TSPOAP1: variants seen among roughly 807,000 people sequenced by gnomAD.
TSPOAP1 encodes TSPO associated protein 1.
Under a neutral mutation model 197.0 loss-of-function variants are expected in TSPOAP1, and 87 were observed. The ratio of observed to expected loss-of-function variants is 0.44; its 90% CI spans 0.37 to 0.53. The LOEUF (loss-of-function observed/expected upper bound fraction) is 0.53. Ranked by LOEUF, TSPOAP1 falls within the 20% of genes least tolerant of loss-of-function variation. The pLI is 0.00. For missense variants in TSPOAP1, 2,174 were observed against 2,411.3 expected, an observed-to-expected ratio of 0.90 and a Z score of 2.06; for synonymous variants, 913 against 998.9, an observed-to-expected ratio of 0.91 and a Z score of 1.62.
rs189653192 is a variant in TSPOAP1, at chr17:58,311,690, C to G, written c.2962G>C (p.Glu988Gln). The G allele has an allele frequency of 1.3e-6, 2 of 1,597,570 alleles. No homozygotes were observed. The highest frequency in any genetic ancestry group is 2.2e-5 in the East Asian group (1 of 44,506). ...AAGATCCCAGGGGAGGGCCCAGGCT[C>G]GATCTGCACATCCAGAGGGGCATCA... is the stretch of plus-strand genomic sequence containing the variant. ...PPDAPLDVQI[E>Q]PGPSPGILII... The change falls in exon 18 of 32, where the codon GAG becomes CAG. Residue 988 changes from glutamate (E) to glutamine (Q), a missense_variant. This residue lies in a region of TSPOAP1 where 1,933 missense variants were observed against 2,139.0 expected (regional missense o/e 0.90). Transcript: ENST00000343736.
At position 58,326,354 on chromosome 17, in the gene TSPOAP1, G is replaced by T; in HGVS notation, c.509C>A (p.Ala170Glu). The stretch of plus-strand genomic sequence containing the variant: ...CTCCTCCAGGCGCTTGGCAATGACC[G>T]CCAGCTCGGCGTTCTTCCTCTTCAG... ...RRLKRKNAEL[A>E]VIAKRLEERA... Residue 170 changes from alanine (A) to glutamate (E), a missense_variant, in exon 3 of 32, where the codon GCG (alanine) becomes GAG (glutamate). This residue lies in a region of TSPOAP1 where 1,933 missense variants were observed against 2,139.0 expected (regional missense o/e 0.90). Coordinates refer to ENST00000343736, the MANE Select transcript of TSPOAP1 (RefSeq NM_004758.4). This position sits in a 1 kb window ranked among gnomAD's most constrained non-coding sequence, Gnocchi z 4.7. 2 of 1,613,998 alleles carry T rather than the reference G, an allele frequency of 1.2e-6. No homozygotes were observed. The highest frequency in any genetic ancestry group is 1.1e-5 in the South Asian group (1 of 91,080).
At chr17:58,317,608 G>C (rs1255342809) in intron 14 of TSPOAP1, among the ~76,000 whole-genome samples, 1 of 152,204 alleles carries the variant, frequency 6.6e-6, no homozygotes, top group African/African-American at 2.4e-5. Flanking sequence ...ACCACTTTCT[G>C]AATGTTTGGC....
chr17:58,319,293 G>C lies in TSPOAP1; in HGVS notation c.1496C>G (p.Ala499Gly), dbSNP rs750419717. Residue 499 changes from alanine to glycine, a missense_variant and splice_region_variant, in exon 13 of 32, where the codon GCC becomes GGC. Coordinates refer to ENST00000343736, the MANE Select transcript of TSPOAP1 (RefSeq NM_004758.4). ...CTGTTCTTCGAGCTCTCGAACCCGG[G>C]CCTGGGCCAAGACCCACCATGAGCC... Reference protein sequence around the residue: ...LLESTLDSMQARVRELEEQCR... With the variant: ...LLESTLDSMQGRVRELEEQCR... 3.6e-5 allele frequency: 56 copies of C among 1,572,068 alleles called. No homozygotes were observed. The highest frequency in any genetic ancestry group is 4.8e-5 in the Non-Finnish European group (56 of 1,158,702).
intron 14 of TSPOAP1, among the ~76,000 whole-genome samples, chr17:58,317,930 C>A (rs1317808818): frequency 6.6e-6 from 1 of 152,256 alleles, no homozygotes; most frequent in Non-Finnish European, 1.5e-5. Context: ...TGTGCTTTCT[C>A]ATACAACCAC....
intron 1 of TSPOAP1, 38 bp downstream of exon 1, chr17:58,327,550 C>T: frequency 6.3e-7 from 1 of 1,580,388 alleles, no homozygotes; most frequent in African/African-American, 1.3e-5. Context: ...GTGAGAGACC[C>T]CCACCTTGCA....
At chr17:58,320,212 G>T (rs1262745593) in intron 11 of TSPOAP1, 83 bp from the exon 12 acceptor site, 4 of 1,516,794 alleles carry the variant, frequency 2.6e-6, no homozygotes, top group Non-Finnish European at 3.6e-6. Context: ...CGGAGAAGGG[G>T]GCCTAAGTGG....
rs1971490836 is a variant in TSPOAP1, at chr17:58,324,124, G to A, written c.943-579C>T. ...AGGGTGCATCTCCCTTCCAGGGCCAGCCAGGGAGACAAAATCTGAGCAAGA... is the reference window on the plus strand; with the variant it reads ...AGGGTGCATCTCCCTTCCAGGGCCAACCAGGGAGACAAAATCTGAGCAAGA... On this transcript the variant is annotated intron_variant, in intron 5 of 31. Coordinates refer to ENST00000343736, the MANE Select transcript of TSPOAP1 (RefSeq NM_004758.4). The surrounding 1 kb of genome is among the most constrained non-coding windows in gnomAD (Gnocchi z 5.8). Among the ~76,000 whole-genome samples, 1 of 152,184 alleles carries A rather than the reference G, an allele frequency of 6.6e-6. No homozygotes were observed. Among genetic ancestry groups the A allele is most frequent in the Non-Finnish European group, 1.5e-5 (1 of 68,014 alleles).
At chr17:58,316,788 C>T (rs1339551163) in intron 14 of TSPOAP1, among the ~76,000 whole-genome samples, 1 of 152,248 alleles carries the variant, frequency 6.6e-6, no homozygotes, top group East Asian at 1.9e-4. Context: ...CTCCCTGAGC[C>T]TCTACTGCAC....
chr17:58,322,308 C>T lies in TSPOAP1; in HGVS notation c.1422G>A (p.Gln474=). The T allele has an allele frequency of 1.9e-6, 3 of 1,602,650 alleles. No individual in the cohort carries two copies. The East Asian group carries it at 6.7e-5, about 36-fold the overall frequency. ...EKQEEVRRLQ[Q]AQAEAQREHE... ...CCAGCTTCCCTCACTGCCGCCCCAC[C>T]TGCTGCAGTCTCCGGACCTCCTCCT... The change falls in exon 10 of 32, where the codon CAG becomes CAA. Residue 474 remains glutamine, a splice_region_variant and synonymous_variant. Coordinates refer to ENST00000343736, the MANE Select transcript of TSPOAP1 (RefSeq NM_004758.4). This position sits in a 1 kb window ranked among gnomAD's most constrained non-coding sequence, Gnocchi z 5.0.
intron 24 of TSPOAP1, 111 bp downstream of exon 24, chr17:58,307,500 G>A: frequency 7.1e-7 from 1 of 1,404,056 alleles, no homozygotes; most frequent in Non-Finnish European, 9.7e-7. Context: ...ATCTGCTCTA[G>A]AAGCCATGTT....
Position 58,309,111 on chromosome 17 carries a change from G to T in TSPOAP1, c.4161C>A (p.Ser1387=), listed in dbSNP as rs1445953583. 6.2e-7 allele frequency: 1 copy of T among 1,613,768 alleles called. No individual in the cohort carries two copies. Among genetic ancestry groups the T allele is most frequent in the Non-Finnish European group, 8.5e-7 (1 of 1,180,018 alleles). Reference sequence around the variant, plus strand: ...TGTCTTCCAGGCAGTCTCCAGCCCTGGAGGACTCAGGAGACAAGGGACACT... The same window carrying T: ...TGTCTTCCAGGCAGTCTCCAGCCCTTGAGGACTCAGGAGACAAGGGACACT... The part of the protein sequence containing the change: ...PGQCPLSPES[S]RAGDCLEDMP... Residue 1387 remains serine (S), a synonymous_variant, in exon 22 of 32, where the codon TCC becomes TCA. Coordinates refer to ENST00000343736, the MANE Select transcript of TSPOAP1 (RefSeq NM_004758.4). This position sits in a 1 kb window ranked among gnomAD's most constrained non-coding sequence, Gnocchi z 5.0.
rs150813325 is a variant in TSPOAP1, at chr17:58,328,380, TTGTG to T, written c.-464_-461del. 3 of 200,082 alleles carry T rather than the reference TTGTG, an allele frequency of 1.5e-5. No homozygotes were observed. The highest frequency in any genetic ancestry group is 1.6e-4 in the South Asian group (2 of 12,180). 12.4% of individuals were successfully genotyped at this position (200,082 alleles called of 1,614,324 possible). A position where few individuals can be genotyped will look rare whatever the true frequency, so the allele number is the denominator to read the frequency against. The stretch of plus-strand genomic sequence containing the variant: ...TGCCCATTTCAGAGTTGCCAGTTGT[TTGTG>T]TGTGTGTGTGTGGGTGTCTGTATTG... On this transcript the variant is annotated 5_prime_UTR_variant, in exon 1 of 32. Transcript: ENST00000343736. This position sits in a 1 kb window ranked among gnomAD's most constrained non-coding sequence, Gnocchi z 4.3.
rs201919601 is a variant in TSPOAP1, at chr17:58,308,625, G to A, written c.4647C>T (p.Tyr1549=). The change falls in exon 22 of 32, where the codon TAC becomes TAT. Residue 1549 remains tyrosine (Y), a synonymous_variant. Coordinates refer to ENST00000343736, the MANE Select transcript of TSPOAP1 (RefSeq NM_004758.4). ...PPKANSGPKP[Y]PRLPAWEKGE... is the part of the protein sequence containing the mutation. Reference sequence around the variant, plus strand: ...CTTTCTCCCAGGCTGGGAGGCGTGGGTAGGGCTTGGGGCCTGAATTGGCCT... The same window carrying A: ...CTTTCTCCCAGGCTGGGAGGCGTGGATAGGGCTTGGGGCCTGAATTGGCCT... 6.2e-7 allele frequency: 1 copy of A among 1,603,762 alleles called. No individual in the cohort carries two copies. Among genetic ancestry groups the A allele is most frequent in the Non-Finnish European group, 8.5e-7 (1 of 1,173,198 alleles).
In TSPOAP1 at chr17:58,315,701, C is replaced by G. The variant is rs929557745; in HGVS notation, c.2098+322G>C. ...CACTACTGTGAAACACTGCCACGCC[C>G]TGACTATCCACACAAAAATGAATCT... On this transcript the variant is annotated intron_variant, in intron 16 of 31. Coordinates refer to ENST00000343736, the MANE Select transcript of TSPOAP1 (RefSeq NM_004758.4). Among the ~76,000 whole-genome samples the G allele has an allele frequency of 2.0e-5, 3 of 152,204 alleles. No individual in the cohort carries two copies. In the South Asian group the frequency reaches 6.2e-4, roughly 31 times the overall value.
In TSPOAP1 at chr17:58,307,844, A is replaced by C; in HGVS notation, c.4829T>G (p.Leu1610Arg). 1 of 1,613,852 alleles carries C rather than the reference A, an allele frequency of 6.2e-7. No homozygotes were observed. Among genetic ancestry groups the C allele is most frequent in the Non-Finnish European group, 8.5e-7 (1 of 1,180,000 alleles). The stretch of plus-strand genomic sequence containing the variant: ...CTCCAGCCCCATCAGGTGCTCACCT[A>C]GCTCTGCAGTGCTTGGCCTGAGGAC... ...VRVLRPSTAE[L>R]VPARSPSETL... Residue 1610 changes from leucine to arginine, a missense_variant and splice_region_variant, in exon 23 of 32, where the codon CTA becomes CGA. Around this residue, in one of 5 missense-constraint regions of TSPOAP1, gnomAD observed 1,933 missense variants for 2,139.0 expected, o/e 0.90. Transcript: ENST00000343736.
chr17:58,305,861 C>A lies in TSPOAP1; in HGVS notation c.5229G>T (p.Glu1743Asp). 1.2e-6 allele frequency: 2 copies of A among 1,612,660 alleles called. No homozygotes were observed. The highest frequency in any genetic ancestry group is 1.7e-5 in the Admixed American group (1 of 59,996). The change falls in exon 27 of 32, where the codon GAG becomes GAT. Residue 1743 changes from glutamate (E) to aspartate (D), a missense_variant. Coordinates refer to ENST00000343736, the MANE Select transcript of TSPOAP1 (RefSeq NM_004758.4). ...PPKPRRSKKA[E>D]SEGPAQPCPG... The stretch of plus-strand genomic sequence containing the variant: ...GACAGGGCTGGGCAGGGCCTTCCGA[C>A]TCAGCTGTGGAAAGAATGTGCCTGT...
Position 58,304,042 on chromosome 17 carries a change from A to C in TSPOAP1, c.*32+296T>G. Reference sequence around the variant, plus strand: ...TAATATGGATGTCACGTCATGTTCTATAAACCACATGTGTTATAGAATAGG... The same window carrying C: ...TAATATGGATGTCACGTCATGTTCTCTAAACCACATGTGTTATAGAATAGG... On this transcript the variant is annotated intron_variant, in intron 31 of 31. Coordinates refer to ENST00000343736, the MANE Select transcript of TSPOAP1 (RefSeq NM_004758.4). The surrounding 1 kb of genome is among the most constrained non-coding windows in gnomAD (Gnocchi z 4.2). 2.9e-6 allele frequency: 1 copy of C among 347,750 alleles called. No homozygotes were observed. The highest frequency in any genetic ancestry group is 5.3e-6 in the Non-Finnish European group (1 of 187,028). 21.5% of individuals were successfully genotyped at this position (347,750 alleles called of 1,614,324 possible).
rs763903944 is a variant in TSPOAP1 at position 58,307,891 on chromosome 17, G to A, written c.4782C>T (p.Gly1594=). 1.9e-6 allele frequency: 3 copies of A among 1,613,490 alleles called. No individual in the cohort carries two copies. Among genetic ancestry groups the A allele is most frequent in the Non-Finnish European group, 2.5e-6 (3 of 1,180,012 alleles). The part of the protein sequence containing the change: ...ARGQDGSGRR[G]PQKRGVRVLR... ...GGACTCGGACACCTCTCTTCTGGGG[G>A]CCCCTCCGCCCAGAGCCGTCCTGCC... is the stretch of plus-strand genomic sequence containing the variant. Residue 1594 remains glycine (G), a synonymous_variant, in exon 23 of 32, where the codon GGC becomes GGT. Transcript: ENST00000343736.
intron 24 of TSPOAP1, chr17:58,307,377 G>A: frequency 1.7e-6 from 1 of 584,088 alleles, no homozygotes; most frequent in Non-Finnish European, 3.0e-6. Flanking sequence ...CTGTGAGGTA[G>A]ACACTAATAT....
Sources: allele counts gnomAD v4.1 joint callset (sites outside exome capture counted in the v4.1 genomes callset), GRCh38; gene constraint gnomAD v4.1.1; regional missense constraint gnomAD v4.1.1; non-coding constraint Gnocchi (gnomAD v3.1); transcripts MANE v1.5; gene names NCBI Gene and HGNC (gene_info 2026-07-23, HGNC 2026-07-21).